Variants in CCDC43 observed in about 807,000 individuals in gnomAD.
CCDC43 encodes coiled-coil domain-containing protein 43.
CCDC43 carries 20 observed loss-of-function variants against 33.3 expected under a neutral mutation model. That is an observed-to-expected ratio of 0.60 (90% CI 0.42 to 0.87). CCDC43 has a LOEUF of 0.87. CCDC43 is among the 40% of genes least tolerant of loss of function. CCDC43 has a pLI of 0.00. For synonymous variants in CCDC43, 104 were observed against 106.5 expected (o/e 0.98, Z 0.14); for missense variants, 248 against 269.9 (o/e 0.92, Z 0.57).
rs1972113327 is a variant in CCDC43, at chr17:44,678,831, G to A, written c.*25C>T. 6.2e-7 allele frequency: 1 copy of A among 1,600,956 alleles called. No individual in the cohort carries two copies. Among genetic ancestry groups the A allele is most frequent in the Non-Finnish European group, 8.5e-7 (1 of 1,172,842 alleles). On this transcript the variant is annotated 3_prime_UTR_variant, in exon 5 of 5. Coordinates refer to ENST00000315286, the MANE Select transcript of CCDC43 (RefSeq NM_144609.3). Reference sequence around the variant, plus strand: ...AGTTCTCCCTTTGATAAGTTCATGGGGGGAAAGAATAGAGTAGGCCAAGGT... The same window carrying A: ...AGTTCTCCCTTTGATAAGTTCATGGAGGGAAAGAATAGAGTAGGCCAAGGT...
At chr17:44,679,089 C>T in intron 4 of CCDC43, 46 bp from the exon 5 acceptor site, 1 of 1,447,076 alleles carries the variant, frequency 6.9e-7, no homozygotes, top group South Asian at 1.3e-5. Context: ...ACAGATCACA[C>T]CTACTGCTGC....
chr17:44,681,954 T>C (rs1394022472), intron 3 of CCDC43, 49 bp downstream of exon 3: 8 of 1,611,230 alleles, frequency 5.0e-6, no homozygotes, highest in Non-Finnish European at 6.8e-6. Flanking sequence ...CCCACAAATA[T>C]GTCTGGCTTG....
chr17:44,685,651 C>T (rs1320295649), intron 1 of CCDC43, among the ~76,000 whole-genome samples: 2 of 152,298 alleles, frequency 1.3e-5, no homozygotes, highest in Non-Finnish European at 1.5e-5. Context: ...ATCTTCATTA[C>T]GGCTGCATTC....
At chr17:44,687,992 T>G (rs1192222212) in intron 1 of CCDC43, 1 of 152,192 alleles carries the variant, frequency 6.6e-6, no homozygotes, top group East Asian at 1.9e-4. Flanking sequence ...ATTTCAACCA[T>G]GTACCCAATC....
chr17:44,682,239 C>G, intron 2 of CCDC43, 101 bp from the exon 3 acceptor site: 1 of 1,393,880 alleles, frequency 7.2e-7, no homozygotes, highest in South Asian at 1.2e-5. Flanking sequence ...ACATTGGCAT[C>G]TGCTGCCTCC....
At chr17:44,684,040 G>T in intron 1 of CCDC43, 81 bp from the exon 2 acceptor site, 3 of 856,522 alleles carry the variant, frequency 3.5e-6, no homozygotes, top group Non-Finnish European at 5.9e-6. Context: ...TATGAAGAAA[G>T]CACAGCTCTC....
At chr17:44,682,545 C>T (rs1459979576) in intron 2 of CCDC43, among the ~76,000 whole-genome samples, 1 of 152,110 alleles carries the variant, frequency 6.6e-6, no homozygotes, top group Non-Finnish European at 1.5e-5. Context: ...TCTGATTATG[C>T]CAGGTGGAAT....
chr17:44,688,400 AC>A (rs1231417445), intron 1 of CCDC43: 3 of 151,964 alleles, frequency 2.0e-5, no homozygotes, highest in Non-Finnish European at 4.4e-5. Context: ...CAATCCTCCC[AC>A]CTCAGCCTCC....
chr17:44,689,589 CTCT>C lies in CCDC43; in HGVS notation c.162_164del (p.Glu55del), dbSNP rs779538210. 3.1e-6 allele frequency: 5 copies of C among 1,613,900 alleles called. No individual in the cohort carries two copies. In the African/African-American group the frequency reaches 5.3e-5, roughly 17 times the overall value. On this transcript the variant is annotated inframe_deletion, in exon 1 of 5. Coordinates refer to ENST00000315286, the MANE Select transcript of CCDC43 (RefSeq NM_144609.3). ...GGATCCCCTGCAGAGCGTCCAGCTT[CTCT>C]TCTTCCTCCTCCTCCTGCAGGATAC... is the stretch of plus-strand genomic sequence containing the variant.
Position 44,680,639 on chromosome 17 carries a change from C to T in CCDC43, c.433G>A (p.Ala145Thr). 5 of 1,606,268 alleles carry T rather than the reference C, an allele frequency of 3.1e-6. No homozygotes were observed. The highest frequency in any genetic ancestry group is 4.3e-6 in the Non-Finnish European group (5 of 1,173,566). Reference protein sequence around the residue: ...YADVTDEEDEADEKDDSGATT... With the variant: ...YADVTDEEDETDEKDDSGATT... The stretch of plus-strand genomic sequence containing the variant: ...GCACCTGAATCATCCTTCTCATCTG[C>T]TTCAGTAAGTGATGTTAAGGAAAGT... The change falls in exon 4 of 5, where the codon GCA becomes ACA. Residue 145 changes from alanine to threonine, a missense_variant. Physicochemically the swap from Ala to Thr is moderately conservative, Grantham distance 58. Transcript: ENST00000315286.
At chr17:44,688,913 G>C (rs1211724162) in intron 1 of CCDC43, 2 of 152,332 alleles carry the variant, frequency 1.3e-5, no homozygotes, top group African/African-American at 4.8e-5. Context: ...AACAGGCTAA[G>C]GACTAAGTTT....
rs1972144292 is a variant in CCDC43, at chr17:44,680,592, A to G, written c.480T>C (p.Ser160=). ...DSGATTMNIG[S]DKLLFRNTNV... The stretch of plus-strand genomic sequence containing the variant: ...AGGGACCCAGAAGGATACGTTTGTC[A>G]GAACCAATGTTCATTGTGGTAGCAC... The change falls in exon 4 of 5, where the codon TCT becomes TCC. Residue 160 remains serine, a synonymous_variant. Transcript: ENST00000315286. 6.2e-7 allele frequency: 1 copy of G among 1,605,428 alleles called. No individual in the cohort carries two copies. The highest frequency in any genetic ancestry group is 8.5e-7 in the Non-Finnish European group (1 of 1,172,906).
At chr17:44,680,801 A>C in intron 3 of CCDC43, 158 bp from the exon 4 acceptor site, 1 of 578,412 alleles carries the variant, frequency 1.7e-6, no homozygotes, top group Non-Finnish European at 3.2e-6. Context: ...TGGAAACCTC[A>C]ACTTAGGAAA....
intron 4 of CCDC43, among the ~76,000 whole-genome samples, chr17:44,680,200 C>T (rs1176707337): frequency 6.6e-6 from 1 of 152,042 alleles, no homozygotes; most frequent in African/African-American, 2.4e-5. Flanking sequence ...GTTGCCCAGG[C>T]TGGTCTCAAA....
At chr17:44,682,163 A>C in intron 2 of CCDC43, 25 bp from the exon 3 acceptor site, 1 of 1,613,652 alleles carries the variant, frequency 6.2e-7, no homozygotes, top group Non-Finnish European at 8.5e-7. Flanking sequence ...AAGGAAGAAC[A>C]AGGTTGTATG....
chr17:44,682,413 AG>A (rs1972176958), intron 2 of CCDC43, among the ~76,000 whole-genome samples: 1 of 149,538 alleles, frequency 6.7e-6, no homozygotes, highest in Non-Finnish European at 1.5e-5. Context: ...AAAAAAAAAA[AG>A]GTTGAAAAGC....
rs564428331 is a variant in CCDC43, at chr17:44,689,305, G to T, written c.204+245C>A. On this transcript the variant is annotated intron_variant, in intron 1 of 4. Coordinates refer to ENST00000315286, the MANE Select transcript of CCDC43 (RefSeq NM_144609.3). ...CTCCTCGGCTCACTCACAAGCATCG[G>T]AGAGGGCCTTGTCCCCAAGAATACG... 21 of 552,538 alleles carry T rather than the reference G, an allele frequency of 3.8e-5. No individual in the cohort carries two copies. In the East Asian group the frequency reaches 4.6e-4, roughly 12 times the overall value. 34.2% of individuals were successfully genotyped at this position (552,538 alleles called of 1,614,324 possible).
intron 3 of CCDC43, among the ~76,000 whole-genome samples, chr17:44,681,391 T>C (rs767676890): frequency 2.0e-5 from 3 of 152,174 alleles, no homozygotes; most frequent in Non-Finnish European, 4.4e-5. Flanking sequence ...TGAGCCGAGA[T>C]TGTACCACTG....
chr17:44,688,292 A>C (rs914349245), intron 1 of CCDC43: 1 of 152,180 alleles, frequency 6.6e-6, no homozygotes, highest in African/African-American at 2.4e-5. Context: ...CTGGGACTAC[A>C]GGTATGCGCC....
Sources: gnomAD v4.1 joint callset for allele counts (sites outside exome capture counted in the v4.1 genomes callset) on GRCh38, gnomAD v4.1.1 for gene constraint, MANE v1.5 for transcripts, NCBI Gene and HGNC (gene_info 2026-07-23, HGNC 2026-07-21) for gene names.